The following CPXM2 variants were observed in gnomAD, a reference collection of about 807,000 sequenced individuals.
The protein encoded by CPXM2 is carboxypeptidase X, M14 family member 2, also known as inactive carboxypeptidase-like protein X2.
In CPXM2, 66 loss-of-function variants were observed where a neutral mutation model predicts 86.1. The ratio of observed to expected loss-of-function variants is 0.77; its 90% confidence interval spans 0.63 to 0.94. The LOEUF (loss-of-function observed/expected upper bound fraction) is 0.94. Among genes scored for constraint, CPXM2 ranks in the 40% least tolerant of loss-of-function variants. The pLI is 0.00. For missense variants in CPXM2, 948 were observed against 1,026.3 expected (o/e 0.92, Z 1.04); for synonymous variants, 388 against 400.2 (o/e 0.97, Z 0.36).
At chr10:123,922,165 C>T (rs1157156976) in intron 2 of CPXM2, among the ~76,000 whole-genome samples, 2 of 152,190 alleles carry the variant, frequency 1.3e-5, no homozygotes, top group Non-Finnish European at 2.9e-5. Context: ...ACCCATGCCC[C>T]ACACTTGTGA....
chr10:123,810,812 T>C (rs1230993243), intron 4 of CPXM2, among the ~76,000 whole-genome samples: 6 of 152,046 alleles, frequency 3.9e-5, no homozygotes, highest in African/African-American at 9.7e-5. Flanking sequence ...CTAAAATGTA[T>C]AGGAAAGAAT....
intron 4 of CPXM2, among the ~76,000 whole-genome samples, chr10:123,808,986 A>T (rs1226192102): frequency 6.8e-6 from 1 of 146,434 alleles, no homozygotes; most frequent in Non-Finnish European, 1.5e-5. Flanking sequence ...CCAGAAACGA[A>T]CAATTCACAA....
At chr10:123,761,452 G>GCCAGCA (rs1564753716) in intron 11 of CPXM2, among the ~76,000 whole-genome samples, 1 of 152,138 alleles carries the variant, frequency 6.6e-6, no homozygotes, top group Non-Finnish European at 1.5e-5. Flanking sequence ...GGGCTCCAGC[G>GCCAGCA]CCAGCACCAG....
intron 2 of CPXM2, among the ~76,000 whole-genome samples, chr10:123,898,018 C>A (rs1564817357): frequency 6.6e-6 from 1 of 152,214 alleles, no homozygotes; most frequent in Non-Finnish European, 1.5e-5. Flanking sequence ...GAGAGACCTC[C>A]CACACCTGTA....
At chr10:123,895,112 CTTTT>C (rs1198158013), upstream of CPXM2, among the ~76,000 whole-genome samples, 4 of 111,736 alleles carry the variant, frequency 3.6e-5, no homozygotes, top group East Asian at 3.2e-4. Context: ...TTTTTTTTTT[CTTTT>C]TTTTCTTTTT....
At chr10:123,893,672 A>T (rs900588568), upstream of CPXM2, among the ~76,000 whole-genome samples, 3 of 97,372 alleles carry the variant, frequency 3.1e-5, no homozygotes, top group African/African-American at 1.2e-4. Flanking sequence ...ATCCCCACCC[A>T]CCCTCCTCCA....
chr10:123,772,920 CCCCTGGTTGTGGTTCTCACCT>C (rs1368730161), intron 7 of CPXM2, among the ~76,000 whole-genome samples: 4 of 148,816 alleles, frequency 2.7e-5, no homozygotes, highest in African/African-American at 5.0e-5. Flanking sequence ...GGTCCTCATT[CCCCTGGTTGTGGTTCTCACCT>C]CCCTGGTTGT....
intron 3 of CPXM2, among the ~76,000 whole-genome samples, chr10:123,843,758 G>A (rs573877197): frequency 5.9e-5 from 9 of 152,226 alleles, no homozygotes; most frequent in African/African-American, 2.2e-4. Context: ...ATCCATCACT[G>A]TACCAGCTAA....
chr10:123,792,434 C>T (rs748956249), intron 6 of CPXM2, among the ~76,000 whole-genome samples: 10 of 152,228 alleles, frequency 6.6e-5, no homozygotes, highest in South Asian at 4.1e-4. Flanking sequence ...GGTTTTGAAA[C>T]GCAAGGCGCC....
chr10:123,854,916 T>C (rs577744379), intron 3 of CPXM2, among the ~76,000 whole-genome samples: 28 of 152,188 alleles, frequency 1.8e-4, no homozygotes, highest in African/African-American at 6.3e-4. Context: ...AACCAGATAA[T>C]CCTGTGGTTC....
At chr10:123,747,485 C>T (rs551082029) in intron 13 of CPXM2, among the ~76,000 whole-genome samples, 2 of 152,322 alleles carry the variant, frequency 1.3e-5, no homozygotes, top group East Asian at 1.9e-4. Context: ...ACTACATGGA[C>T]TGAGGTCAGA....
At chr10:123,872,147 C>A (rs1009467375) in intron 2 of CPXM2, among the ~76,000 whole-genome samples, 1 of 152,160 alleles carries the variant, frequency 6.6e-6, no homozygotes, top group Non-Finnish European at 1.5e-5. Flanking sequence ...TCCACCAGTA[C>A]TTAGTGATAC....
intron 4 of CPXM2, among the ~76,000 whole-genome samples, chr10:123,828,351 T>G (rs939796369): frequency 6.6e-6 from 1 of 152,240 alleles, no homozygotes; most frequent in Non-Finnish European, 1.5e-5. Flanking sequence ...GGTTTGGCTG[T>G]GTCCCCACCC....
Position 123,839,439 on chromosome 10 carries a change from C to T in CPXM2, c.653+2910G>A, listed in dbSNP as rs145939122. On this transcript the variant is annotated intron_variant, in intron 4 of 13. Coordinates refer to ENST00000241305, the MANE Select transcript of CPXM2 (RefSeq NM_198148.3). ...ATGAGTCTTTGTCAACTCTTTACTT[C>T]ATATTGATACCCGTTCATTAAAGAG... 7.4e-3 allele frequency among the ~76,000 whole-genome samples: 1,123 copies of T among 152,314 alleles called. 14 individuals carry two copies. Among genetic ancestry groups the T allele is most frequent in the African/African-American group, 0.025 (1,052 of 41,556 alleles).
chr10:123,859,920 G>A (rs1171852715), intron 3 of CPXM2, among the ~76,000 whole-genome samples: 2 of 152,148 alleles, frequency 1.3e-5, no homozygotes, highest in African/African-American at 4.8e-5. Flanking sequence ...TCTACGGTGA[G>A]GCTCCTGTGC....
chr10:123,836,273 A>G (rs944184599), intron 4 of CPXM2, among the ~76,000 whole-genome samples: 6 of 151,810 alleles, frequency 4.0e-5, no homozygotes, highest in Middle Eastern at 3.4e-3. Context: ...GGGGTCCTCA[A>G]ATAGGGCCAC....
intron 9 of CPXM2, among the ~76,000 whole-genome samples, chr10:123,767,714 C>G (rs1046990182): frequency 2.0e-5 from 3 of 152,226 alleles, no homozygotes; most frequent in African/African-American, 7.2e-5. Flanking sequence ...ATAATACTAA[C>G]TATATGTTCT....
chr10:123,765,929 T>C (rs1029834215), intron 10 of CPXM2, among the ~76,000 whole-genome samples: 4 of 152,024 alleles, frequency 2.6e-5, no homozygotes, highest in Admixed American at 1.3e-4. Flanking sequence ...TTGTTGTTGT[T>C]TGTTTGTTTT....
upstream of CPXM2, among the ~76,000 whole-genome samples, chr10:123,895,112 C>CTTTTTTTTTTTTTTTTT (rs1198158013): frequency 1.8e-5 from 2 of 111,678 alleles, no homozygotes. Flanking sequence ...TTTTTTTTTT[C>CTTTTTTTTTTTTTTTTT]TTTTTTTTCT....
Sources: gnomAD v4.1 joint callset for allele counts (sites outside exome capture counted in the v4.1 genomes callset) on GRCh38, gnomAD v4.1.1 for gene constraint, MANE v1.5 for transcripts, NCBI Gene and HGNC (gene_info 2026-07-23, HGNC 2026-07-21) for gene names.